TP63: variants seen among roughly 807,000 people sequenced by gnomAD.
TP63 encodes the protein tumor protein 63.
Under a neutral mutation model 82.8 loss-of-function variants are expected in TP63, and 17 were observed. The ratio of observed to expected loss-of-function variants is 0.21; its 90% CI spans 0.14 to 0.31. TP63 has a LOEUF of 0.31. Ranked by LOEUF, TP63 falls within the 10% of genes least tolerant of loss-of-function variation. The pLI is 1.00. For synonymous variants in TP63, 330 were observed against 321.7 expected (o/e 1.03, Z -0.28); for missense variants, 648 against 895.3 (o/e 0.72, Z 3.52).
intron 3 of TP63, chr3:189,739,035 T>A (rs537044013): frequency 1.2e-4 from 64 of 518,072 alleles, no homozygotes; most frequent in Admixed American, 9.3e-4. Flanking sequence ...GTTCCTCATG[T>A]CAACCCCAAT....
At chr3:189,806,681 C>T (rs1190273014) in intron 3 of TP63, among the ~76,000 whole-genome samples, 3 of 151,998 alleles carry the variant, frequency 2.0e-5, no homozygotes, top group African/African-American at 7.3e-5. Flanking sequence ...GGAGAGAAAG[C>T]GAGACAAACA....
At chr3:189,761,591 C>T (rs1722575323) in intron 3 of TP63, among the ~76,000 whole-genome samples, 1 of 152,156 alleles carries the variant, frequency 6.6e-6, no homozygotes, top group African/African-American at 2.4e-5. Flanking sequence ...TTCCAAACTT[C>T]CCTGCATTAT....
chr3:189,774,213 C>A (rs1434423876), intron 3 of TP63, among the ~76,000 whole-genome samples: 1 of 151,860 alleles, frequency 6.6e-6, no homozygotes, highest in Admixed American at 6.6e-5. Flanking sequence ...TGAGCCACCA[C>A]GCCCGGCCGT....
intron 3 of TP63, among the ~76,000 whole-genome samples, chr3:189,792,117 C>T (rs1197260385): frequency 5.3e-5 from 8 of 152,004 alleles, no homozygotes; most frequent in Non-Finnish European, 1.2e-4. Flanking sequence ...AACACTGTTC[C>T]TTCTCTATTC....
At chr3:189,610,067 A>G in the TP63 span, among the ~76,000 whole-genome samples, 2 of 152,286 alleles carry the variant, frequency 1.3e-5, no homozygotes, top group African/African-American at 4.8e-5. Context: ...AGTAATAGCC[A>G]TTCTGACTGG....
At chr3:189,596,847 A>G in the TP63 span, among the ~76,000 whole-genome samples, 15 of 152,270 alleles carry the variant, frequency 9.9e-5, no homozygotes, top group East Asian at 1.9e-4. Flanking sequence ...CACTGCTTTT[A>G]TGAGCTGTAA....
At chr3:189,612,550 A>G in the TP63 span, among the ~76,000 whole-genome samples, 3 of 152,192 alleles carry the variant, frequency 2.0e-5, no homozygotes, top group Non-Finnish European at 4.4e-5. Context: ...AAAATGAACT[A>G]ATACAATAAA....
chr3:189,765,826 C>G (rs1469393089), intron 3 of TP63, among the ~76,000 whole-genome samples: 1 of 152,128 alleles, frequency 6.6e-6, no homozygotes, highest in Non-Finnish European at 1.5e-5. Flanking sequence ...GCTGCTGCCA[C>G]TAATTGTTTT....
the TP63 span, among the ~76,000 whole-genome samples, chr3:189,598,743 C>T: frequency 6.6e-6 from 1 of 152,226 alleles, no homozygotes; most frequent in Non-Finnish European, 1.5e-5. Flanking sequence ...GCAGCCTGGC[C>T]TGCAGTCCAG....
intron 10 of TP63, among the ~76,000 whole-genome samples, chr3:189,878,269 C>G (rs985946485): frequency 1.3e-5 from 2 of 151,862 alleles, no homozygotes; most frequent in Non-Finnish European, 2.9e-5. Context: ...AAATCCTCCA[C>G]GTTTCCAGAA....
intron 1 of TP63, among the ~76,000 whole-genome samples, chr3:189,677,405 T>TAG (rs1482060008): frequency 8.4e-6 from 1 of 119,136 alleles, no homozygotes; most frequent in African/African-American, 2.7e-5. Context: ...TGTGTATATA[T>TAG]ATACATATAT....
intron 1 of TP63, among the ~76,000 whole-genome samples, chr3:189,635,459 G>GC (rs1729716822): frequency 6.6e-6 from 1 of 152,012 alleles, no homozygotes; most frequent in South Asian, 2.1e-4. Context: ...TCAAGAAGCT[G>GC]CCTCCTGATA....
rs1553859678 is a variant in TP63 at position 189,875,611 on chromosome 3, T to TATATACAC, written c.1349+2621_1349+2622insCACATATA. Among the ~76,000 whole-genome samples the TATATACAC allele has an allele frequency of 3.9e-5, 3 of 77,040 alleles. No homozygotes were observed. The East Asian group carries it at 1.1e-3, about 27-fold the overall frequency. 50.5% of individuals were successfully genotyped at this position (77,040 alleles called of 152,430 possible). A position where few individuals can be genotyped will look rare whatever the true frequency, so the allele number is the denominator to read the frequency against. ...ATACATACATATATATATATATATA[T>TATATACAC]ATATATATATATATATATATATATA... is the stretch of plus-strand genomic sequence containing the variant. On this transcript the variant is annotated intron_variant, in intron 10 of 13. Transcript: ENST00000264731.
intron 1 of TP63, among the ~76,000 whole-genome samples, chr3:189,676,215 T>G (rs960423971): frequency 2.0e-5 from 3 of 152,098 alleles, no homozygotes; most frequent in African/African-American, 7.2e-5. Flanking sequence ...GTATACAATA[T>G]AAAATTATTA....
chr3:189,855,700 A>ATG (rs527770984), intron 4 of TP63, among the ~76,000 whole-genome samples: 2,265 of 151,496 alleles, frequency 0.015, 24 homozygotes, highest in South Asian at 0.03. Context: ...GTGTGTATAT[A>ATG]TGTGTGTGTG....
intron 4 of TP63, among the ~76,000 whole-genome samples, chr3:189,847,413 A>G (rs1385787266): frequency 6.6e-6 from 1 of 152,206 alleles, no homozygotes; most frequent in Non-Finnish European, 1.5e-5. Flanking sequence ...TGGAAGTAAC[A>G]CTATACATTA....
rs1316823566 is a variant in TP63 at position 189,808,429 on chromosome 3, C to T, written c.482C>T (p.Pro161Leu). Reference sequence around the variant, plus strand: ...AGCTCCACCTTCGATGCTCTCTCTCCATCACCCGCCATCCCCTCCAACACC... The same window carrying T: ...AGCTCCACCTTCGATGCTCTCTCTCTATCACCCGCCATCCCCTCCAACACC... Reference protein sequence around the residue: ...QPSSTFDALSPSPAIPSNTDY... With the variant: ...QPSSTFDALSLSPAIPSNTDY... Residue 161 changes from proline to leucine, a missense_variant, in exon 4 of 14, where the codon CCA (proline) becomes CTA (leucine). By Grantham distance (98) the Pro-to-Leu change is moderately conservative. This residue lies in a region of TP63 where 182 missense variants were observed against 213.6 expected (regional missense o/e 0.85). Coordinates refer to ENST00000264731, the MANE Select transcript of TP63 (RefSeq NM_003722.5). 6.2e-7 allele frequency: 1 copy of T among 1,614,102 alleles called. No homozygotes were observed. Among genetic ancestry groups the T allele is most frequent in the Non-Finnish European group, 8.5e-7 (1 of 1,180,062 alleles).
At chr3:189,854,525 G>A (rs1420987295) in intron 4 of TP63, among the ~76,000 whole-genome samples, 6 of 152,232 alleles carry the variant, frequency 3.9e-5, no homozygotes, top group South Asian at 2.1e-4. Context: ...GAGCCACTGC[G>A]CCCGGCCTCT....
chr3:189,719,310 C>G (rs552926812), intron 1 of TP63, among the ~76,000 whole-genome samples: 1 of 152,204 alleles, frequency 6.6e-6, no homozygotes, highest in East Asian at 1.9e-4. Flanking sequence ...TCAAACTTGT[C>G]CTTAGTTATA....
Sources: allele counts gnomAD v4.1 joint callset (sites outside exome capture counted in the v4.1 genomes callset), GRCh38; gene constraint gnomAD v4.1.1; regional missense constraint gnomAD v4.1.1; transcripts MANE v1.5; gene names NCBI Gene and HGNC (gene_info 2026-07-23, HGNC 2026-07-21).